PARD3B: variants seen among roughly 807,000 people sequenced by gnomAD.
PARD3B encodes the protein par-3 family cell polarity regulator beta.
PARD3B carries 103 observed loss-of-function variants against 130.2 expected under a neutral mutation model. The observed-to-expected ratio is 0.79, with a 90% CI of 0.67 to 0.93. The LOEUF is 0.93. Among genes scored for constraint, PARD3B ranks in the 40% least tolerant of loss-of-function variants. PARD3B has a pLI of 0.00. For synonymous variants in PARD3B, 583 were observed against 553.2 expected (o/e 1.05, Z -0.76); for missense variants, 1,609 against 1,499.2 (o/e 1.07, Z -1.21).
intron 2 of PARD3B, among the ~76,000 whole-genome samples, chr2:204,854,156 A>T (rs910138260): frequency 1.3e-5 from 2 of 152,194 alleles, no homozygotes; most frequent in African/African-American, 4.8e-5. Flanking sequence ...GTGATGTAAG[A>T]TGAAGCTTGG....
intron 2 of PARD3B, among the ~76,000 whole-genome samples, chr2:204,802,227 A>G (rs1167604293): frequency 6.6e-6 from 1 of 152,226 alleles, no homozygotes; most frequent in Non-Finnish European, 1.5e-5. Context: ...GTGGCCAATA[A>G]ACATATGAAC....
chr2:205,557,784 T>C (rs1303981541), intron 22 of PARD3B, among the ~76,000 whole-genome samples: 1 of 152,180 alleles, frequency 6.6e-6, no homozygotes, highest in Non-Finnish European at 1.5e-5. Flanking sequence ...TGTGCCTTCC[T>C]GTAATGAGGC....
chr2:205,486,801 G>A (rs1209063986), intron 20 of PARD3B, among the ~76,000 whole-genome samples: 1 of 152,058 alleles, frequency 6.6e-6, no homozygotes, highest in Non-Finnish European at 1.5e-5. Flanking sequence ...TCCAGCATTG[G>A]GGATTACGAT....
intron 15 of PARD3B, among the ~76,000 whole-genome samples, chr2:205,234,279 C>T (rs1360005969): frequency 6.6e-6 from 1 of 152,130 alleles, no homozygotes; most frequent in Non-Finnish European, 1.5e-5. Context: ...GTGATCATGG[C>T]ATTGCTCTCC....
chr2:204,862,652 G>A (rs2045257215), intron 2 of PARD3B, among the ~76,000 whole-genome samples: 1 of 152,116 alleles, frequency 6.6e-6, no homozygotes, highest in East Asian at 1.9e-4. Flanking sequence ...CTGTCCCCAA[G>A]AACCTCTCAC....
At chr2:204,805,564 A>G (rs1276652038) in intron 2 of PARD3B, among the ~76,000 whole-genome samples, 1 of 152,166 alleles carries the variant, frequency 6.6e-6, no homozygotes, top group Non-Finnish European at 1.5e-5. Flanking sequence ...TCATTATTTG[A>G]GGCCAATATT....
At position 205,456,739 on chromosome 2, in the gene PARD3B, A is replaced by C. The variant is rs189173156; in HGVS notation, c.3044+16067A>C. The stretch of plus-strand genomic sequence containing the variant: ...TGCCTTGCATTTCTAGAATAAAACT[A>C]ATTTATTATAGTATATAATTATTTC... On this transcript the variant is annotated intron_variant, in intron 20 of 22. Transcript: ENST00000406610. Among the ~76,000 whole-genome samples, 390 of 151,312 alleles carry C rather than the reference A, an allele frequency of 2.6e-3. 1 individual carries two copies. Among genetic ancestry groups the C allele is most frequent in the African/African-American group, 8.7e-3 (362 of 41,428 alleles).
chr2:205,052,148 C>T (rs1457869963), intron 4 of PARD3B, among the ~76,000 whole-genome samples: 1 of 151,906 alleles, frequency 6.6e-6, no homozygotes, highest in Non-Finnish European at 1.5e-5. Context: ...TGGAACAGAA[C>T]TCTAAAACAG....
chr2:204,861,470 C>T (rs2045200301), intron 2 of PARD3B, among the ~76,000 whole-genome samples: 2 of 152,048 alleles, frequency 1.3e-5, no homozygotes, highest in Admixed American at 1.3e-4. Context: ...TCCTAGCTCA[C>T]TGAAGTTTAA....
At chr2:204,912,913 G>A (rs2047296495) in intron 2 of PARD3B, among the ~76,000 whole-genome samples, 2 of 152,112 alleles carry the variant, frequency 1.3e-5, no homozygotes, top group South Asian at 4.1e-4. Context: ...ATAACAAATA[G>A]ATGTTTGGAA....
intron 16 of PARD3B, among the ~76,000 whole-genome samples, chr2:205,260,125 T>G (rs2040246431): frequency 6.6e-6 from 1 of 152,188 alleles, no homozygotes; most frequent in Non-Finnish European, 1.5e-5. Context: ...GGTAGTCATT[T>G]TTTATACTTA....
At chr2:205,559,572 C>T (rs2053048832) in intron 22 of PARD3B, among the ~76,000 whole-genome samples, 1 of 147,434 alleles carries the variant, frequency 6.8e-6, no homozygotes, top group Admixed American at 6.8e-5. Context: ...TGTATCTTTT[C>T]TCTGAAATCA....
intron 20 of PARD3B, 118 bp from the exon 21 acceptor site, chr2:205,499,778 G>T: frequency 8.5e-7 from 1 of 1,178,696 alleles, no homozygotes; most frequent in Non-Finnish European, 1.2e-6. Flanking sequence ...TGGCATATTT[G>T]AATTACATTA....
At position 205,346,706 on chromosome 2, in the gene PARD3B, C is replaced by A. The variant is rs115522009; in HGVS notation, c.2630+45005C>A. Among the ~76,000 whole-genome samples, 953 of 152,294 alleles carry A rather than the reference C, an allele frequency of 6.3e-3. 14 individuals are homozygous for A. Among genetic ancestry groups the A allele is most frequent in the African/African-American group, 0.022 (906 of 41,564 alleles). ...CTGCAGCTATTCCTTCTCCAGATTA[C>A]TGTCTCCAAAGACTTCATTTTTCAT... is the stretch of plus-strand genomic sequence containing the variant. On this transcript the variant is annotated intron_variant, in intron 18 of 22. Transcript: ENST00000406610.
intron 16 of PARD3B, among the ~76,000 whole-genome samples, chr2:205,262,692 G>A (rs1238101552): frequency 1.3e-5 from 2 of 152,030 alleles, no homozygotes; most frequent in Non-Finnish European, 2.9e-5. Context: ...TCAGTGCATT[G>A]CAGTCATAGA....
intron 18 of PARD3B, among the ~76,000 whole-genome samples, chr2:205,380,503 TTATATATAA>T (rs1472334211): frequency 2.1e-5 from 1 of 48,700 alleles, no homozygotes; most frequent in African/African-American, 1.1e-4. Flanking sequence ...AGAATATATA[TTATATATAA>T]TATATAAAGA....
At chr2:205,202,902 A>T (rs556110721) in intron 15 of PARD3B, among the ~76,000 whole-genome samples, 3 of 152,270 alleles carry the variant, frequency 2.0e-5, no homozygotes, top group South Asian at 2.1e-4. Context: ...ATTCTCCTAA[A>T]GTTAAGTATT....
chr2:204,938,601 T>C (rs1174406396), intron 2 of PARD3B, among the ~76,000 whole-genome samples: 1 of 152,382 alleles, frequency 6.6e-6, no homozygotes, highest in East Asian at 1.9e-4. Flanking sequence ...ACTTTTCTTA[T>C]TCACTAGACT....
chr2:205,295,264 A>G (rs1238916659), intron 16 of PARD3B, among the ~76,000 whole-genome samples: 1 of 152,186 alleles, frequency 6.6e-6, no homozygotes, highest in African/African-American at 2.4e-5. Flanking sequence ...AGGCGTTTCT[A>G]TTGTGTTTGT....
Sources: gnomAD v4.1 joint callset for allele counts (sites outside exome capture counted in the v4.1 genomes callset) on GRCh38, gnomAD v4.1.1 for gene constraint, MANE v1.5 for transcripts, NCBI Gene and HGNC (gene_info 2026-07-23, HGNC 2026-07-21) for gene names.